CRY1: variants seen among roughly 807,000 people sequenced by gnomAD.
CRY1 encodes cryptochrome-1.
A neutral mutation model predicts 76.0 loss-of-function variants in CRY1; 45 were observed. The observed-to-expected ratio is 0.59, with a 90% CI of 0.47 to 0.76. The LOEUF (loss-of-function observed/expected upper bound fraction) is 0.76, where lower values mean the gene tolerates loss of function less well. Ranked by LOEUF, CRY1 falls within the 30% of genes least tolerant of loss-of-function variation. The pLI is 0.00. For synonymous variants in CRY1, 248 were observed against 244.0 expected (o/e 1.02, Z -0.15); for missense variants, 587 against 716.4 (o/e 0.82, Z 2.06).
chr12:107,005,716 C>T (rs745775035), intron 2 of CRY1, among the ~76,000 whole-genome samples: 25 of 152,050 alleles, frequency 1.6e-4, no homozygotes, highest in Non-Finnish European at 2.6e-4. Flanking sequence ...CTTTAACTAA[C>T]CTTTGATATT....
At chr12:107,067,575 AC>A (rs1230597989) in intron 1 of CRY1, among the ~76,000 whole-genome samples, 1 of 152,084 alleles carries the variant, frequency 6.6e-6, no homozygotes, top group African/African-American at 2.4e-5. Flanking sequence ...AAAAAAAAAA[AC>A]TTCCTTAGTT....
At chr12:107,051,989 GA>G (rs1423495751) in intron 1 of CRY1, among the ~76,000 whole-genome samples, 1 of 152,042 alleles carries the variant, frequency 6.6e-6, no homozygotes, top group African/African-American at 2.4e-5. Flanking sequence ...TAGTCTAAAA[GA>G]AATTTCCCTT....
At chr12:107,072,837 G>A (rs949582267) in intron 1 of CRY1, 2 of 152,018 alleles carry the variant, frequency 1.3e-5, no homozygotes, top group Non-Finnish European at 2.9e-5. Context: ...TACTATGATT[G>A]TATTTTTCAT....
intron 1 of CRY1, among the ~76,000 whole-genome samples, chr12:107,026,863 G>GC (rs1277319723): frequency 6.7e-6 from 1 of 149,988 alleles, no homozygotes; most frequent in Non-Finnish European, 1.5e-5. Flanking sequence ...TTAGTTGGAT[G>GC]CCTACACCTG....
chr12:107,020,395 T>C (rs190940014), intron 2 of CRY1, among the ~76,000 whole-genome samples: 1 of 152,334 alleles, frequency 6.6e-6, no homozygotes, highest in East Asian at 1.9e-4. Flanking sequence ...TTGGGATCTA[T>C]GTCCTCACCC....
At chr12:107,007,935 C>T (rs1952394458) in intron 2 of CRY1, among the ~76,000 whole-genome samples, 3 of 152,242 alleles carry the variant, frequency 2.0e-5, no homozygotes, top group South Asian at 2.1e-4. Context: ...AGTTCAGTCA[C>T]GTAAGCCAGG....
chr12:107,005,010 A>C, intron 3 of CRY1, 96 bp downstream of exon 3: 6 of 1,118,482 alleles, frequency 5.4e-6, no homozygotes, highest in Non-Finnish European at 7.5e-6. Context: ...TTATCTATGT[A>C]GTTAATACCA....
intron 1 of CRY1, among the ~76,000 whole-genome samples, chr12:107,084,265 T>G (rs1008865630): frequency 1.3e-5 from 2 of 152,144 alleles, no homozygotes; most frequent in African/African-American, 2.4e-5. Flanking sequence ...CCAAAGTAAT[T>G]AATAGATTCA....
intron 1 of CRY1, among the ~76,000 whole-genome samples, chr12:107,088,609 C>A (rs946099899): frequency 6.6e-6 from 1 of 152,176 alleles, no homozygotes; most frequent in Admixed American, 6.5e-5. Flanking sequence ...TGATTCTGGA[C>A]ATCTTCCAAA....
At chr12:107,025,485 G>C (rs1201319476) in intron 1 of CRY1, among the ~76,000 whole-genome samples, 3 of 152,144 alleles carry the variant, frequency 2.0e-5, no homozygotes, top group Non-Finnish European at 4.4e-5. Flanking sequence ...AATCGGACCT[G>C]TCTCATAGCA....
At chr12:107,046,416 T>A (rs1952849914) in intron 1 of CRY1, among the ~76,000 whole-genome samples, 1 of 151,408 alleles carries the variant, frequency 6.6e-6, no homozygotes, top group African/African-American at 2.4e-5. Context: ...AGAAAAAGAA[T>A]AAAAACTTAC....
chr12:107,027,372 A>G (rs1392740324), intron 1 of CRY1, among the ~76,000 whole-genome samples: 1 of 152,142 alleles, frequency 6.6e-6, no homozygotes, highest in Non-Finnish European at 1.5e-5. Context: ...AATTTGGCAT[A>G]TATATTATTT....
intron 1 of CRY1, among the ~76,000 whole-genome samples, chr12:107,065,853 C>T (rs561929745): frequency 4.6e-5 from 7 of 152,222 alleles, no homozygotes; most frequent in African/African-American, 1.7e-4. Flanking sequence ...AAAGGAACAT[C>T]TTCAATTTAT....
rs138102124 is a variant in CRY1, at chr12:106,999,964, T to C, written c.803A>G (p.Lys268Arg). The change falls in exon 6 of 13, where the codon AAA (lysine) becomes AGA (arginine). Residue 268 changes from lysine (K) to arginine (R), a missense_variant. Lys to Arg is a conservative substitution (Grantham distance 26). Transcript: ENST00000008527. ...TACCTTTTTGTAGAGATCTGTTAGT[T>C]TGAAGTAAAACAGTCGACATGACAA... is the stretch of plus-strand genomic sequence containing the variant. Reference protein sequence around the residue: ...GCLSCRLFYFKLTDLYKKVKK... With the variant: ...GCLSCRLFYFRLTDLYKKVKK... 22 of 1,610,116 alleles carry C rather than the reference T, an allele frequency of 1.4e-5. No homozygotes were observed. The highest frequency in any genetic ancestry group is 5.3e-5 in the African/African-American group (4 of 74,768).
chr12:107,068,112 G>T lies in CRY1; in HGVS notation c.158+24692C>A, dbSNP rs1953134464. 2.0e-5 allele frequency among the ~76,000 whole-genome samples: 3 copies of T among 152,156 alleles called. No homozygotes were observed. The South Asian group carries it at 6.2e-4, about 32-fold the overall frequency. On this transcript the variant is annotated intron_variant, in intron 1 of 12. Coordinates refer to ENST00000008527, the MANE Select transcript of CRY1 (RefSeq NM_004075.5). ...GTAAATAAAGTGTTACTGGAACACAGACATCCTAATTAGTTTCATGCTACA... is the reference window on the plus strand; with the variant it reads ...GTAAATAAAGTGTTACTGGAACACATACATCCTAATTAGTTTCATGCTACA...
chr12:107,036,540 A>G (rs1246786681), intron 1 of CRY1, among the ~76,000 whole-genome samples: 1 of 151,498 alleles, frequency 6.6e-6, no homozygotes, highest in Non-Finnish European at 1.5e-5. Flanking sequence ...CTCTATGAAC[A>G]AAGTCTCCAA....
Position 107,030,952 on chromosome 12 carries a change from G to A in CRY1, c.159-8760C>T, listed in dbSNP as rs149661941. On this transcript the variant is annotated intron_variant, in intron 1 of 12. Transcript: ENST00000008527. The stretch of plus-strand genomic sequence containing the variant: ...TGGGGGTTGGGGGTACCTGGGGACT[G>A]TAAGTATTATGCTTTCTATACTAAG... Among the ~76,000 whole-genome samples the A allele has an allele frequency of 8.2e-3, 1,244 of 152,234 alleles. 9 individuals are homozygous for A. The highest frequency in any genetic ancestry group is 0.012 in the Non-Finnish European group (802 of 68,026).
chr12:107,040,215 A>C (rs1952781253), intron 1 of CRY1, among the ~76,000 whole-genome samples: 1 of 151,752 alleles, frequency 6.6e-6, no homozygotes, highest in South Asian at 2.1e-4. Flanking sequence ...GGGAAACAGG[A>C]AGTTGCTAAT....
chr12:106,997,239 A>G, intron 10 of CRY1, 55 bp downstream of exon 10: 1 of 1,405,716 alleles, frequency 7.1e-7, no homozygotes, highest in Non-Finnish European at 1.0e-6. Flanking sequence ...TAACAAATAT[A>G]TTTGTTTAAT....
Sources: gnomAD v4.1 joint callset for allele counts (sites outside exome capture counted in the v4.1 genomes callset) on GRCh38, gnomAD v4.1.1 for gene constraint, MANE v1.5 for transcripts, NCBI Gene and HGNC (gene_info 2026-07-23, HGNC 2026-07-21) for gene names.